SINHCAF: variants seen among roughly 807,000 people sequenced by gnomAD.
SINHCAF encodes the protein SIN3-HDAC complex associated factor, also known as SIN3-HDAC complex-associated factor.
Under a neutral mutation model 25.8 loss-of-function variants are expected in SINHCAF, and 3 were observed. The ratio of observed to expected loss-of-function variants is 0.12; its 90% confidence interval spans 0.05 to 0.30. SINHCAF has a LOEUF of 0.30. Among genes scored for constraint, SINHCAF ranks in the 10% least tolerant of loss-of-function variants. SINHCAF has a pLI of 1.00. For missense variants in SINHCAF, 121 were observed against 262.3 expected (o/e 0.46, Z 3.72); for synonymous variants, 70 against 85.5 (o/e 0.82, Z 1.00).
At chr12:31,283,696 G>C (rs1190178123) in intron 5 of SINHCAF, among the ~76,000 whole-genome samples, 2 of 151,924 alleles carry the variant, frequency 1.3e-5, no homozygotes, top group African/African-American at 2.4e-5. Context: ...AGGGAAAAAA[G>C]ATCATTTCCT....
At chr12:31,298,304 C>G (rs1565494881) in intron 1 of SINHCAF, 80 bp from the exon 2 acceptor site, 1 of 1,540,522 alleles carries the variant, frequency 6.5e-7, no homozygotes, top group Non-Finnish European at 8.9e-7. Flanking sequence ...TGCTCCACCC[C>G]ACCCCCAAGC....
chr12:31,298,281 A>G (rs770884121), intron 1 of SINHCAF, 57 bp from the exon 2 acceptor site: 3 of 1,598,156 alleles, frequency 1.9e-6, no homozygotes, highest in Admixed American at 1.7e-5. Context: ...AGGAACCATT[A>G]AAGAGTTCTC....
At chr12:31,291,868 GT>G (rs1477008249) in intron 4 of SINHCAF, among the ~76,000 whole-genome samples, 2 of 152,088 alleles carry the variant, frequency 1.3e-5, no homozygotes, top group Admixed American at 6.5e-5. Flanking sequence ...AGACCATTTA[GT>G]GGGTGATATA....
rs568228124 is a variant in SINHCAF, at chr12:31,294,002, G to A, written c.229-71C>T. 3.1e-5 allele frequency: 40 copies of A among 1,285,372 alleles called. 1 individual carries two copies. The South Asian group carries it at 4.9e-4, about 16-fold the overall frequency. The allele number at this position is 1,285,372 out of a possible 1,614,324, so 79.6% of individuals were successfully genotyped here. A position where few individuals can be genotyped will look rare whatever the true frequency, so the allele number is the denominator to read the frequency against. On this transcript the variant is annotated intron_variant, in intron 3 of 5. Transcript: ENST00000337682. ...CAGTGTATCCCTTTGGTTCAGATCC[G>A]TGCCTATTTGAGAACCACAGTTTTA...
chr12:31,324,164 G>A lies in SINHCAF; in HGVS notation c.-21+1860C>T. 2.9e-6 allele frequency: 1 copy of A among 341,248 alleles called. No individual in the cohort carries two copies. Among genetic ancestry groups the A allele is most frequent in the Non-Finnish European group, 5.9e-6 (1 of 169,360 alleles). 21.1% of individuals were successfully genotyped at this position (341,248 alleles called of 1,614,324 possible). A position where few individuals can be genotyped will look rare whatever the true frequency, so the allele number is the denominator to read the frequency against. On this transcript the variant is annotated intron_variant, in intron 1 of 5. Transcript: ENST00000337682. This position sits in a 1 kb window ranked among gnomAD's most constrained non-coding sequence, Gnocchi z 5.5. ...CTCCCTCACCTGCGCCGGAACAACG[G>A]GCCCCGCGCCAGCCCGGCCCGGCGC...
intron 2 of SINHCAF, among the ~76,000 whole-genome samples, chr12:31,295,853 C>T (rs1404333282): frequency 6.7e-6 from 1 of 150,326 alleles, no homozygotes; most frequent in Non-Finnish European, 1.5e-5. Flanking sequence ...GCCTGGGCAA[C>T]AAGAGCGAGA....
chr12:31,293,734 T>G (rs1938432691), intron 4 of SINHCAF, 71 bp downstream of exon 4: 1 of 1,335,142 alleles, frequency 7.5e-7, no homozygotes, highest in Non-Finnish European at 1.0e-6. Flanking sequence ...GATCCACACA[T>G]GCCATACACC....
chr12:31,324,578 G>C lies in SINHCAF; in HGVS notation c.-21+1446C>G, dbSNP rs1390301858. ...TCCCGAAACTCGCCCGAACTTCGAG[G>C]GCCTCCGACCTGCACGGCCCTACGC... On this transcript the variant is annotated intron_variant, in intron 1 of 5. Transcript: ENST00000337682. This position sits in a 1 kb window ranked among gnomAD's most constrained non-coding sequence, Gnocchi z 5.5. 1 of 175,736 alleles carries C rather than the reference G, an allele frequency of 5.7e-6. No homozygotes were observed. Among genetic ancestry groups the C allele is most frequent in the Non-Finnish European group, 1.2e-5 (1 of 82,210 alleles). The allele number at this position is 175,736 out of a possible 1,614,324, so 10.9% of individuals were successfully genotyped here. A position where few individuals can be genotyped will look rare whatever the true frequency, so the allele number is the denominator to read the frequency against.
rs190635962 is a variant in SINHCAF at position 31,293,023 on chromosome 12, A to C, written c.355+782T>G. Reference sequence around the variant, plus strand: ...TTGGCCACAAAATCTGGCATGACCTAAACTATGACTATAAGCAGACAAACC... The same window carrying C: ...TTGGCCACAAAATCTGGCATGACCTCAACTATGACTATAAGCAGACAAACC... On this transcript the variant is annotated intron_variant, in intron 4 of 5. Coordinates refer to ENST00000337682, the MANE Select transcript of SINHCAF (RefSeq NM_001135812.2). 2.4e-3 allele frequency among the ~76,000 whole-genome samples: 358 copies of C among 152,332 alleles called. 1 individual carries two copies. Among genetic ancestry groups the C allele is most frequent in the African/African-American group, 8.2e-3 (341 of 41,566 alleles).
intron 5 of SINHCAF, among the ~76,000 whole-genome samples, chr12:31,283,386 T>G (rs1259592096): frequency 6.6e-6 from 1 of 151,986 alleles, no homozygotes; most frequent in Non-Finnish European, 1.5e-5. Flanking sequence ...GCAGATAACT[T>G]GAGGTCAGGA....
intron 1 of SINHCAF, among the ~76,000 whole-genome samples, chr12:31,302,634 C>T (rs1938849353): frequency 6.6e-6 from 1 of 151,674 alleles, no homozygotes; most frequent in South Asian, 2.1e-4. Context: ...GGTATTCATA[C>T]ATTTTTTTAA....
intron 5 of SINHCAF, among the ~76,000 whole-genome samples, chr12:31,285,706 T>C (rs1938031597): frequency 1.3e-5 from 2 of 152,136 alleles, no homozygotes; most frequent in African/African-American, 4.8e-5. Flanking sequence ...CCAGGTGCAG[T>C]AACTCACACC....
At chr12:31,302,752 T>G (rs1290097949) in intron 1 of SINHCAF, among the ~76,000 whole-genome samples, 3 of 151,930 alleles carry the variant, frequency 2.0e-5, no homozygotes, top group Admixed American at 6.6e-5. Context: ...GCTGAGCGGG[T>G]AGGAGAGAAG....
At chr12:31,321,467 C>CA (rs1243598084) in intron 1 of SINHCAF, among the ~76,000 whole-genome samples, 1 of 152,180 alleles carries the variant, frequency 6.6e-6, no homozygotes, top group Non-Finnish European at 1.5e-5. Flanking sequence ...ATAACTGACA[C>CA]AGGCCTCAGT....
At chr12:31,309,882 G>T (rs577714631) in intron 1 of SINHCAF, among the ~76,000 whole-genome samples, 1 of 151,926 alleles carries the variant, frequency 6.6e-6, no homozygotes, top group Admixed American at 6.6e-5. Flanking sequence ...GGTCAGGCTG[G>T]TCTCAACCTC....
intron 1 of SINHCAF, among the ~76,000 whole-genome samples, chr12:31,313,441 A>G (rs1442078598): frequency 6.6e-6 from 1 of 152,206 alleles, no homozygotes; most frequent in Non-Finnish European, 1.5e-5. Context: ...CACTAATACT[A>G]TCTTAATTAC....
At chr12:31,299,986 TATC>T (rs780535455) in intron 1 of SINHCAF, among the ~76,000 whole-genome samples, 1 of 152,188 alleles carries the variant, frequency 6.6e-6, no homozygotes, top group African/African-American at 2.4e-5. Context: ...AAAAATATGG[TATC>T]ATAATCTTTT....
intron 3 of SINHCAF, among the ~76,000 whole-genome samples, chr12:31,294,468 A>G (rs1592963826): frequency 6.6e-6 from 1 of 152,164 alleles, no homozygotes; most frequent in Non-Finnish European, 1.5e-5. Context: ...CCTATTCTTT[A>G]TGCTTTTTTC....
In SINHCAF at chr12:31,281,641, CATTTT is replaced by C. The variant is rs1302839655; in HGVS notation, c.*1066_*1070del. On this transcript the variant is annotated 3_prime_UTR_variant, in exon 6 of 6. Coordinates refer to ENST00000337682, the MANE Select transcript of SINHCAF (RefSeq NM_001135812.2). The stretch of plus-strand genomic sequence containing the variant: ...TTTTGTGCCATCCTGAAGACTTGCA[CATTTT>C]ATTTTTCAGATAGCTTAACATTTTT... The C allele has an allele frequency of 2.0e-5, 3 of 152,148 alleles. No homozygotes were observed. The highest frequency in any genetic ancestry group is 2.0e-4 in the Admixed American group (3 of 15,266). 9.4% of individuals were successfully genotyped at this position (152,148 alleles called of 1,614,324 possible). A position where few individuals can be genotyped will look rare whatever the true frequency, so the allele number is the denominator to read the frequency against.
Sources: gnomAD v4.1 joint callset for allele counts (sites outside exome capture counted in the v4.1 genomes callset) on GRCh38, gnomAD v4.1.1 for gene constraint, Gnocchi (gnomAD v3.1) non-coding constraint, MANE v1.5 for transcripts, NCBI Gene and HGNC (gene_info 2026-07-23, HGNC 2026-07-21) for gene names.